The following RANBP17 variants were observed in gnomAD, a reference collection of about 807,000 sequenced individuals.
RANBP17 encodes the protein RAN binding protein 17.
RANBP17 carries 158 observed loss-of-function variants against 141.2 expected under a neutral mutation model. The observed-to-expected ratio is 1.12, with a 90% confidence interval of 0.98 to 1.28. The LOEUF is 1.28. Ranked by LOEUF, RANBP17 falls within the 50% of genes most tolerant of loss-of-function variation. The pLI is 0.00. For synonymous variants in RANBP17, 430 were observed against 450.0 expected (o/e 0.96, Z 0.56); for missense variants, 1,438 against 1,290.7 (o/e 1.11, Z -1.75).
chr5:170,881,578 G>A (rs1215157436), intron 2 of RANBP17, among the ~76,000 whole-genome samples: 3 of 152,084 alleles, frequency 2.0e-5, no homozygotes, highest in Admixed American at 2.0e-4. Context: ...ATTTGAGATG[G>A]CTGTCTACAT....
chr5:170,966,294 A>G (rs1163698667), intron 13 of RANBP17, among the ~76,000 whole-genome samples: 4 of 152,310 alleles, frequency 2.6e-5, no homozygotes, highest in African/African-American at 4.8e-5. Context: ...AAAATCCTCA[A>G]TAAAATACTG....
intron 14 of RANBP17, among the ~76,000 whole-genome samples, chr5:171,026,455 T>C (rs1349726755): frequency 1.3e-5 from 2 of 152,196 alleles, no homozygotes; most frequent in African/African-American, 4.8e-5. Flanking sequence ...CGAAAACTCC[T>C]GCAATTTCTA....
chr5:171,065,248 C>G (rs1323594806), intron 14 of RANBP17, among the ~76,000 whole-genome samples: 1 of 152,084 alleles, frequency 6.6e-6, no homozygotes, highest in Non-Finnish European at 1.5e-5. Flanking sequence ...CATCCTCAAC[C>G]TTTTTGGCAC....
At chr5:171,221,213 T>C (rs953189451) in intron 21 of RANBP17, among the ~76,000 whole-genome samples, 1 of 152,242 alleles carries the variant, frequency 6.6e-6, no homozygotes, top group African/African-American at 2.4e-5. Context: ...TTGTTTCTCT[T>C]TACTGAAGTT....
chr5:171,057,108 T>A (rs1277259088), intron 14 of RANBP17, among the ~76,000 whole-genome samples: 1 of 152,154 alleles, frequency 6.6e-6, no homozygotes, highest in Non-Finnish European at 1.5e-5. Context: ...TTTATAGCCT[T>A]TTACAGCTTT....
intron 24 of RANBP17, among the ~76,000 whole-genome samples, chr5:171,248,754 A>G (rs868294522): frequency 3.2e-4 from 49 of 152,172 alleles, no homozygotes; most frequent in African/African-American, 1.1e-3. Context: ...GTATCTCCAC[A>G]TCCTGAGAAT....
At chr5:171,053,456 C>T (rs1369515250) in intron 14 of RANBP17, among the ~76,000 whole-genome samples, 1 of 151,972 alleles carries the variant, frequency 6.6e-6, no homozygotes. Flanking sequence ...TAAATTCATT[C>T]CTAGATATTG....
intron 14 of RANBP17, among the ~76,000 whole-genome samples, chr5:171,088,435 T>C (rs926044792): frequency 4.6e-5 from 7 of 152,192 alleles, no homozygotes; most frequent in Non-Finnish European, 1.0e-4. Flanking sequence ...GTGACAATTA[T>C]GTGTCTTGGA....
chr5:170,906,397 T>C (rs1273778405), intron 5 of RANBP17, among the ~76,000 whole-genome samples: 1 of 151,964 alleles, frequency 6.6e-6, no homozygotes, highest in Non-Finnish European at 1.5e-5. Context: ...CATTATTAGA[T>C]TCAGCTTATG....
At chr5:171,208,560 T>C (rs991632783) in intron 20 of RANBP17, among the ~76,000 whole-genome samples, 1 of 152,238 alleles carries the variant, frequency 6.6e-6, no homozygotes, top group Non-Finnish European at 1.5e-5. Flanking sequence ...TATTTCCTCA[T>C]ATGCAGTCTT....
chr5:170,965,477 C>T (rs899811210), intron 13 of RANBP17, among the ~76,000 whole-genome samples: 2 of 152,084 alleles, frequency 1.3e-5, no homozygotes, highest in Non-Finnish European at 2.9e-5. Flanking sequence ...CTTGCCCATG[C>T]CTATGTTCTG....
intron 14 of RANBP17, among the ~76,000 whole-genome samples, chr5:171,057,714 A>T (rs1363932550): frequency 6.6e-6 from 1 of 152,186 alleles, no homozygotes; most frequent in Non-Finnish European, 1.5e-5. Context: ...GGAAACTTAC[A>T]GTCATAGCAG....
intron 14 of RANBP17, among the ~76,000 whole-genome samples, chr5:171,002,524 C>A (rs1167940974): frequency 6.6e-6 from 1 of 151,944 alleles, no homozygotes; most frequent in Admixed American, 6.6e-5. Flanking sequence ...AGTGAGGAAA[C>A]CTTTTTCAGC....
At chr5:170,933,690 G>A (rs1773601555) in intron 12 of RANBP17, among the ~76,000 whole-genome samples, 1 of 152,164 alleles carries the variant, frequency 6.6e-6, no homozygotes, top group Non-Finnish European at 1.5e-5. Context: ...TCATTCAGGA[G>A]CAGGTTGTTC....
At chr5:171,250,993 C>A in intron 24 of RANBP17, among the ~76,000 whole-genome samples, 1 of 152,222 alleles carries the variant, frequency 6.6e-6, no homozygotes, top group East Asian at 1.9e-4. Flanking sequence ...ATTAACAGAG[C>A]TACAGAATCT....
At chr5:171,074,803 T>C (rs1407633270) in intron 14 of RANBP17, among the ~76,000 whole-genome samples, 2 of 152,218 alleles carry the variant, frequency 1.3e-5, no homozygotes, top group African/African-American at 4.8e-5. Flanking sequence ...CTTTATAAAT[T>C]ATATCAATAC....
In RANBP17 at chr5:171,035,746, T is replaced by G. The variant is rs551526412; in HGVS notation, c.1710+67369T>G. Reference sequence around the variant, plus strand: ...GTTTGTTTCTTTTTTTGTTTTTTTTTTTTTTTTTTTAAGTAATTTCAACTT... The same window carrying G: ...GTTTGTTTCTTTTTTTGTTTTTTTTGTTTTTTTTTTAAGTAATTTCAACTT... On this transcript the variant is annotated intron_variant, in intron 14 of 27. Transcript: ENST00000523189. Among the ~76,000 whole-genome samples the G allele has an allele frequency of 3.1e-3, 464 of 150,414 alleles. 3 individuals are homozygous for G. The highest frequency in any genetic ancestry group is 4.8e-3 in the Non-Finnish European group (324 of 67,580).
At chr5:171,038,032 T>C (rs1055681194) in intron 14 of RANBP17, among the ~76,000 whole-genome samples, 1 of 152,192 alleles carries the variant, frequency 6.6e-6, no homozygotes, top group African/African-American at 2.4e-5. Flanking sequence ...ATTTTAACAA[T>C]ATTGATTCCT....
At chr5:170,994,291 T>C (rs1778687836) in intron 14 of RANBP17, among the ~76,000 whole-genome samples, 1 of 152,036 alleles carries the variant, frequency 6.6e-6, no homozygotes, top group Non-Finnish European at 1.5e-5. Flanking sequence ...GGTAGAAAAT[T>C]AGAGGTGGTT....
Sources: gnomAD v4.1 joint callset for allele counts (sites outside exome capture counted in the v4.1 genomes callset) on GRCh38, gnomAD v4.1.1 for gene constraint, MANE v1.5 for transcripts, NCBI Gene and HGNC (gene_info 2026-07-23, HGNC 2026-07-21) for gene names.